The following SYNPR variants were observed in gnomAD, a reference collection of about 807,000 sequenced individuals.
SYNPR encodes the protein synaptoporin.
A neutral mutation model predicts 32.9 loss-of-function variants in SYNPR; 23 were observed. The ratio of observed to expected loss-of-function variants is 0.70; its 90% CI spans 0.50 to 0.99. SYNPR has a LOEUF of 0.99. Among genes scored for constraint, SYNPR ranks in the 50% least tolerant of loss-of-function variants. SYNPR has a pLI of 0.00. For synonymous variants in SYNPR, 146 were observed against 135.9 expected (o/e 1.07, Z -0.52); for missense variants, 318 against 349.3 (o/e 0.91, Z 0.71).
chr3:63,221,635 G>A, the SYNPR span, among the ~76,000 whole-genome samples: 4 of 152,142 alleles, frequency 2.6e-5, no homozygotes, highest in Admixed American at 1.3e-4. Context: ...CTGGCTGAGA[G>A]GAAGAATATT....
At chr3:63,565,816 A>G (rs1253196932) in intron 4 of SYNPR, among the ~76,000 whole-genome samples, 5 of 152,040 alleles carry the variant, frequency 3.3e-5, no homozygotes, top group Non-Finnish European at 7.4e-5. Flanking sequence ...GAATAATTCT[A>G]CTTATGGGGA....
intron 2 of SYNPR, among the ~76,000 whole-genome samples, chr3:63,425,004 T>C (rs988144423): frequency 6.6e-6 from 1 of 152,134 alleles, no homozygotes; most frequent in East Asian, 1.9e-4. Flanking sequence ...CCCAATCACA[T>C]TAGATCCATC....
chr3:63,318,850 C>T (rs565859144), intron 2 of SYNPR, among the ~76,000 whole-genome samples: 62 of 151,914 alleles, frequency 4.1e-4, no homozygotes, highest in African/African-American at 1.4e-3. Flanking sequence ...GTCATATTAC[C>T]GGGGTTGGTT....
In SYNPR at chr3:63,473,514, C is replaced by A. The variant is rs189493061; in HGVS notation, c.85-7318C>A. On this transcript the variant is annotated intron_variant, in intron 2 of 5. Coordinates refer to ENST00000478300, the MANE Select transcript of SYNPR (RefSeq NM_001130003.2). Reference sequence around the variant, plus strand: ...CAATAAACAAAAACAAGTGTATTGCCTTTTCTTAGGGAAGTGGTAAAACAA... The same window carrying A: ...CAATAAACAAAAACAAGTGTATTGCATTTTCTTAGGGAAGTGGTAAAACAA... 1.7e-4 allele frequency among the ~76,000 whole-genome samples: 26 copies of A among 152,212 alleles called. No individual in the cohort carries two copies. In the East Asian group the frequency reaches 3.3e-3, roughly 19 times the overall value.
At chr3:63,585,745 C>T (rs1559543433) in intron 4 of SYNPR, among the ~76,000 whole-genome samples, 2 of 152,048 alleles carry the variant, frequency 1.3e-5, no homozygotes, top group Admixed American at 6.6e-5. Context: ...TGCAAGATAT[C>T]GTCCCAGAAG....
intron 2 of SYNPR, among the ~76,000 whole-genome samples, chr3:63,454,687 T>C (rs1700447319): frequency 6.6e-6 from 1 of 152,034 alleles, no homozygotes; most frequent in African/African-American, 2.4e-5. Context: ...TCTCTACTTA[T>C]TTGTCAATCC....
chr3:63,202,795 C>G, the SYNPR span, among the ~76,000 whole-genome samples: 2 of 151,874 alleles, frequency 1.3e-5, no homozygotes, highest in Non-Finnish European at 2.9e-5. Flanking sequence ...TTTGACTCCC[C>G]AAGAAAGAAG....
intron 2 of SYNPR, among the ~76,000 whole-genome samples, chr3:63,369,035 A>G (rs1042519114): frequency 6.6e-6 from 1 of 152,188 alleles, no homozygotes; most frequent in Non-Finnish European, 1.5e-5. Flanking sequence ...TTAACCCCCA[A>G]TATCTCAGAA....
chr3:63,455,756 GGTGTGTGTGTGT>G (rs370244005), intron 2 of SYNPR, among the ~76,000 whole-genome samples: 1 of 144,280 alleles, frequency 6.9e-6, no homozygotes, highest in South Asian at 2.2e-4. Context: ...TCATGTTTGG[GGTGTGTGTGTGT>G]GTGTGTGTGT....
At chr3:63,326,991 C>T (rs2087174742) in intron 2 of SYNPR, among the ~76,000 whole-genome samples, 1 of 151,772 alleles carries the variant, frequency 6.6e-6, no homozygotes. Context: ...TAAAAGACTA[C>T]TTTCCTCATA....
chr3:63,451,939 C>T, intron 2 of SYNPR: 1 of 575,054 alleles, frequency 1.7e-6, no homozygotes, highest in African/African-American at 1.9e-5. Context: ...CTCAGCTCAC[C>T]TCTTCACTCT....
chr3:63,401,516 G>T (rs2088290240), intron 2 of SYNPR, among the ~76,000 whole-genome samples: 1 of 152,170 alleles, frequency 6.6e-6, no homozygotes, highest in African/African-American at 2.4e-5. Flanking sequence ...GACAAAGAAT[G>T]AGAAGGTAGG....
chr3:63,454,868 A>T (rs1700451247), intron 2 of SYNPR, among the ~76,000 whole-genome samples: 1 of 152,120 alleles, frequency 6.6e-6, no homozygotes, highest in Admixed American at 6.6e-5. Flanking sequence ...GAGGATAAAA[A>T]CAAAATAAAT....
chr3:63,497,941 T>G (rs1018063712), intron 3 of SYNPR, among the ~76,000 whole-genome samples: 8 of 152,158 alleles, frequency 5.3e-5, no homozygotes, highest in African/African-American at 1.9e-4. Context: ...ATAAACAGTG[T>G]GTCTCTGGTG....
upstream of SYNPR, among the ~76,000 whole-genome samples, chr3:63,274,569 C>A (rs2086559908): frequency 6.6e-6 from 1 of 152,172 alleles, no homozygotes; most frequent in East Asian, 1.9e-4. Flanking sequence ...AAATGTTGAG[C>A]TTTACTAAAT....
At chr3:63,532,856 T>G (rs1702135628) in intron 3 of SYNPR, among the ~76,000 whole-genome samples, 1 of 152,174 alleles carries the variant, frequency 6.6e-6, no homozygotes, top group Non-Finnish European at 1.5e-5. Flanking sequence ...TAAGATAAAA[T>G]TAAACTATCC....
chr3:63,517,355 G>A (rs1701819416), intron 3 of SYNPR, among the ~76,000 whole-genome samples: 3 of 152,076 alleles, frequency 2.0e-5, no homozygotes, highest in Non-Finnish European at 2.9e-5. Context: ...AGAGTGCTTG[G>A]CACATCAGTT....
chr3:63,318,253 T>C (rs2087065720), intron 2 of SYNPR, among the ~76,000 whole-genome samples: 1 of 152,076 alleles, frequency 6.6e-6, no homozygotes, highest in Non-Finnish European at 1.5e-5. Context: ...CTTTTTGCGA[T>C]GAATTTCCAA....
At chr3:63,383,393 A>T (rs2087998205) in intron 2 of SYNPR, among the ~76,000 whole-genome samples, 1 of 152,078 alleles carries the variant, frequency 6.6e-6, no homozygotes, top group Non-Finnish European at 1.5e-5. Flanking sequence ...AAGTCACTCC[A>T]CCTCTCCTGG....
Sources: gnomAD v4.1 joint callset for allele counts (sites outside exome capture counted in the v4.1 genomes callset) on GRCh38, gnomAD v4.1.1 for gene constraint, MANE v1.5 for transcripts, NCBI Gene and HGNC (gene_info 2026-07-23, HGNC 2026-07-21) for gene names.